The following SYNPO variants were observed in gnomAD, a reference collection of about 807,000 sequenced individuals.
SYNPO encodes the protein synaptopodin.
SYNPO carries 19 observed loss-of-function variants against 49.5 expected under a neutral mutation model. The ratio of observed to expected loss-of-function variants is 0.38; its 90% CI spans 0.27 to 0.56. SYNPO has a LOEUF of 0.56. Among genes scored for constraint, SYNPO ranks in the 20% least tolerant of loss-of-function variants. The probability of loss-of-function intolerance (pLI) is 0.68; values close to 1 mark genes in which losing one functional copy is unlikely to be tolerated. For synonymous variants in SYNPO, 536 were observed against 548.0 expected (o/e 0.98, Z 0.31); for missense variants, 1,131 against 1,248.3 (o/e 0.91, Z 1.42).
At chr5:150,653,332 G>C (rs547925798) in intron 2 of SYNPO, 1 of 152,156 alleles carries the variant, frequency 6.6e-6, no homozygotes, top group Non-Finnish European at 1.5e-5. Flanking sequence ...ATTCAATCCC[G>C]TTTGAGCCCT....
chr5:150,650,334 C>T lies in SYNPO; in HGVS notation c.2028+31C>T, dbSNP rs199944363. On this transcript the variant is annotated intron_variant, in intron 2 of 2. Transcript: ENST00000307662. ...GAAGCCTTCCTTCTGCTTCAAGTAA[C>T]GAACCCCACGGGGGTCCCACTGCCG... is the stretch of plus-strand genomic sequence containing the variant. The T allele has an allele frequency of 4.6e-5, 74 of 1,613,646 alleles. No individual in the cohort carries two copies. In the Admixed American group the frequency reaches 8.8e-4, roughly 19 times the overall value.
intron 1 of SYNPO, among the ~76,000 whole-genome samples, chr5:150,601,909 T>C (rs1421174340): frequency 6.6e-6 from 1 of 152,210 alleles, no homozygotes; most frequent in African/African-American, 2.4e-5. Flanking sequence ...AAGGAGGTGA[T>C]AACAATCTCG....
Position 150,658,882 on chromosome 5 carries a change from G to A in SYNPO, c.*1795G>A, listed in dbSNP as rs1367964494. 6.6e-6 allele frequency: 1 copy of A among 152,346 alleles called. No homozygotes were observed. The highest frequency in any genetic ancestry group is 2.4e-5 in the African/African-American group (1 of 41,410). 9.4% of individuals were successfully genotyped at this position (152,346 alleles called of 1,614,324 possible). On this transcript the variant is annotated 3_prime_UTR_variant, in exon 3 of 3. Transcript: ENST00000307662. ...GGTGCTCTTACTCAGTTAATGATGA[G>A]TGACTATATTTACCAAAGCCCCTAC...
chr5:150,640,563 G>A (rs1311245646), upstream of SYNPO: 1 of 811,180 alleles, frequency 1.2e-6, no homozygotes, highest in African/African-American at 1.9e-5. Context: ...CCCGGAGGGA[G>A]GAAGATGAAT....
At chr5:150,588,319 G>A in the SYNPO span, among the ~76,000 whole-genome samples, 2 of 152,100 alleles carry the variant, frequency 1.3e-5, no homozygotes, top group Non-Finnish European at 2.9e-5. Flanking sequence ...GTTATAAAAG[G>A]GCCCTTAGTG....
At chr5:150,643,954 C>T (rs896445488) in intron 1 of SYNPO, among the ~76,000 whole-genome samples, 2 of 151,888 alleles carry the variant, frequency 1.3e-5, no homozygotes, top group African/African-American at 4.8e-5. Flanking sequence ...GTGGGTGGAT[C>T]ACTTGAGCTC....
intron 2 of SYNPO, chr5:150,652,035 G>T: frequency 1.0e-6 from 1 of 1,000,614 alleles, no homozygotes; most frequent in Non-Finnish European, 1.2e-6. Context: ...GCCCATGCTG[G>T]GCTGAGCCTG....
At chr5:150,637,113 T>A (rs1249869961), upstream of SYNPO, among the ~76,000 whole-genome samples, 1 of 152,218 alleles carries the variant, frequency 6.6e-6, no homozygotes, top group Non-Finnish European at 1.5e-5. Flanking sequence ...TTACTGAAGG[T>A]AGCCCAGCAA....
chr5:150,640,315 G>A (rs1757855261), upstream of SYNPO, among the ~76,000 whole-genome samples: 1 of 152,180 alleles, frequency 6.6e-6, no homozygotes, highest in African/African-American at 2.4e-5. Context: ...GAGGGTTCCC[G>A]GTAGAGGGGG....
intron 1 of SYNPO, among the ~76,000 whole-genome samples, chr5:150,607,194 T>C (rs1389172061): frequency 6.6e-6 from 1 of 152,002 alleles, no homozygotes; most frequent in Non-Finnish European, 1.5e-5. Flanking sequence ...GTGGGAGATA[T>C]GGCATAAAAG....
upstream of SYNPO, among the ~76,000 whole-genome samples, chr5:150,596,573 G>T (rs372511852): frequency 6.6e-6 from 1 of 152,054 alleles, no homozygotes; most frequent in Non-Finnish European, 1.5e-5. Context: ...ACCCCCCAAG[G>T]CAACTCAATT....
In SYNPO at chr5:150,640,778, G is replaced by A. The variant is rs552152386; in HGVS notation, c.-409G>A. On this transcript the variant is annotated 5_prime_UTR_variant, in exon 1 of 3. Transcript: ENST00000307662. ...GCCAAGCAATTGGCTGCCTTTGCCG[G>A]AGGCTTTGAGAACCAAGGCTTGAAG... 3.0e-6 allele frequency: 3 copies of A among 985,620 alleles called. No individual in the cohort carries two copies. The East Asian group carries it at 3.4e-4, about 110-fold the overall frequency. The allele number at this position is 985,620 out of a possible 1,614,324, so 61.1% of individuals were successfully genotyped here.
upstream of SYNPO, among the ~76,000 whole-genome samples, chr5:150,637,696 T>C (rs1757763825): frequency 6.6e-6 from 1 of 152,220 alleles, no homozygotes; most frequent in South Asian, 2.1e-4. Context: ...TGCGGTGACT[T>C]TGTCATTATC....
the SYNPO span, among the ~76,000 whole-genome samples, chr5:150,586,916 A>G: frequency 6.6e-6 from 1 of 152,086 alleles, no homozygotes; most frequent in South Asian, 2.1e-4. Flanking sequence ...AGTTATATGG[A>G]AGCACGGTTG....
chr5:150,652,059 C>G (rs1351944572), intron 2 of SYNPO: 16 of 1,000,544 alleles, frequency 1.6e-5, no homozygotes, highest in Non-Finnish European at 1.9e-5. Flanking sequence ...TTTTTGTGAG[C>G]TCTGGGCTTG....
chr5:150,586,181 G>A, the SYNPO span, among the ~76,000 whole-genome samples: 2 of 152,246 alleles, frequency 1.3e-5, no homozygotes, highest in Non-Finnish European at 1.5e-5. Context: ...CTGGAAAATC[G>A]GGAAGGGAGA....
At chr5:150,628,999 A>G (rs1757452640) in intron 2 of SYNPO, among the ~76,000 whole-genome samples, 1 of 152,110 alleles carries the variant, frequency 6.6e-6, no homozygotes, top group Non-Finnish European at 1.5e-5. Context: ...TTTGGCCAGG[A>G]ACAGGTTTTT....
intron 1 of SYNPO, among the ~76,000 whole-genome samples, chr5:150,601,767 T>C (rs1756549374): frequency 6.6e-6 from 1 of 151,966 alleles, no homozygotes; most frequent in African/African-American, 2.4e-5. Flanking sequence ...GAGTAGGGGG[T>C]GGTCCTCACT....
rs1036900264 is a variant in SYNPO at position 150,642,907 on chromosome 5, G to A, written c.-333+2053G>A. The stretch of plus-strand genomic sequence containing the variant: ...GAGGTGGTGGTGATGGGATCTTAGC[G>A]GCAGCCCAGGTTGTGCATGGAGCCT... On this transcript the variant is annotated intron_variant, in intron 1 of 2. Coordinates refer to ENST00000307662, the MANE Select transcript of SYNPO (RefSeq NM_007286.6). Among the ~76,000 whole-genome samples the A allele has an allele frequency of 3.2e-4, 49 of 152,310 alleles. No homozygotes were observed. In the East Asian group the frequency reaches 3.3e-3, roughly 10 times the overall value.
Sources: allele counts gnomAD v4.1 joint callset (sites outside exome capture counted in the v4.1 genomes callset), GRCh38; gene constraint gnomAD v4.1.1; transcripts MANE v1.5; gene names NCBI Gene and HGNC (gene_info 2026-07-23, HGNC 2026-07-21).